Variants in GLI3 observed in about 807,000 individuals in gnomAD.
GLI3 encodes transcription activator GLI3.
A neutral mutation model predicts 100.8 loss-of-function variants in GLI3; 20 were observed. The ratio of observed to expected loss-of-function variants is 0.20; its 90% CI spans 0.14 to 0.29. The LOEUF is 0.29. GLI3 is among the 10% of genes least tolerant of loss of function. GLI3 has a pLI of 1.00. For missense variants in GLI3, 2,040 were observed against 2,128.5 expected (o/e 0.96, Z 0.82); for synonymous variants, 938 against 860.5 (o/e 1.09, Z -1.58).
chr7:42,214,862 T>TA (rs34437341), intron 2 of GLI3, among the ~76,000 whole-genome samples: 4,574 of 118,932 alleles, frequency 0.038, 163 homozygotes, highest in African/African-American at 0.1. Context: ...CACTGGATGC[T>TA]AAAAAAAAAA....
chr7:41,964,279 C>T lies in GLI3; in HGVS notation c.*51G>A. On this transcript the variant is annotated 3_prime_UTR_variant, in exon 15 of 15. Coordinates refer to ENST00000395925, the MANE Select transcript of GLI3 (RefSeq NM_000168.6). ...ACAGCCAAAACAAAGTCAGTTTAAT[C>T]TCTTCAACTCCTATTGATTTCCGTT... 1 of 1,538,480 alleles carries T rather than the reference C, an allele frequency of 6.5e-7. No individual in the cohort carries two copies. Among genetic ancestry groups the T allele is most frequent in the Admixed American group, 1.7e-5 (1 of 59,620 alleles).
At chr7:41,994,884 T>C (rs1788082016) in intron 10 of GLI3, among the ~76,000 whole-genome samples, 2 of 152,352 alleles carry the variant, frequency 1.3e-5, no homozygotes, top group South Asian at 2.1e-4. Flanking sequence ...CTGTGACATA[T>C]ACGTGGCTTT....
rs546190862 is a variant in GLI3, at chr7:42,042,014, T to G, written c.827-1775A>C. The stretch of plus-strand genomic sequence containing the variant: ...CAAAATAGCAATCCCAACGATTTCC[T>G]TTTTTTTTTTTTTTTTTTGAGATGT... On this transcript the variant is annotated intron_variant, in intron 6 of 14. Transcript: ENST00000395925. Among the ~76,000 whole-genome samples the G allele has an allele frequency of 8.4e-3, 192 of 22,868 alleles. No individual in the cohort carries two copies. The African/African-American group carries it at 0.13, about 15-fold the overall frequency. 15.0% of individuals were successfully genotyped at this position (22,868 alleles called of 152,430 possible). A position where few individuals can be genotyped will look rare whatever the true frequency, so the allele number is the denominator to read the frequency against.
At chr7:42,125,351 GAAC>G (rs1644641033) in intron 3 of GLI3, among the ~76,000 whole-genome samples, 1 of 152,164 alleles carries the variant, frequency 6.6e-6, no homozygotes, top group African/African-American at 2.4e-5. Context: ...TTAAAAGGCT[GAAC>G]AACAGCAGCA....
chr7:42,068,679 C>T (rs1784724250), intron 4 of GLI3, among the ~76,000 whole-genome samples: 1 of 152,090 alleles, frequency 6.6e-6, no homozygotes, highest in South Asian at 2.1e-4. Flanking sequence ...GTGTCATTGG[C>T]CTTTGTTCCC....
At chr7:42,013,357 C>A (rs1422793054) in intron 10 of GLI3, among the ~76,000 whole-genome samples, 1 of 151,880 alleles carries the variant, frequency 6.6e-6, no homozygotes, top group East Asian at 1.9e-4. Context: ...TGCCTGTGTG[C>A]CACAGGATTA....
At chr7:42,223,637 G>A (rs553547440) in intron 1 of GLI3, among the ~76,000 whole-genome samples, 5 of 152,268 alleles carry the variant, frequency 3.3e-5, no homozygotes, top group East Asian at 1.9e-4. Context: ...TTAAAGCCAC[G>A]TCTGCAAATG....
At chr7:42,148,643 T>C (rs1476142147) in intron 2 of GLI3, among the ~76,000 whole-genome samples, 175 bp from the exon 3 acceptor site, 2 of 152,144 alleles carry the variant, frequency 1.3e-5, no homozygotes, top group Admixed American at 6.5e-5. Context: ...GACAAAATTG[T>C]TTATGAATGA....
At chr7:42,157,597 C>A (rs751130326) in intron 2 of GLI3, among the ~76,000 whole-genome samples, 13 of 152,184 alleles carry the variant, frequency 8.5e-5, no homozygotes, top group Admixed American at 2.6e-4. Flanking sequence ...TACAAAATTT[C>A]TAAACAAAAA....
chr7:42,214,822 G>A (rs533755512), intron 2 of GLI3, among the ~76,000 whole-genome samples: 3 of 145,940 alleles, frequency 2.1e-5, no homozygotes, highest in African/African-American at 2.5e-5. Flanking sequence ...AACATAAAAC[G>A]GAATTTTAAA....
intron 3 of GLI3, among the ~76,000 whole-genome samples, chr7:42,128,576 T>C (rs1786192422): frequency 6.6e-6 from 1 of 152,160 alleles, no homozygotes; most frequent in African/African-American, 2.4e-5. Flanking sequence ...CTTCTCAAAT[T>C]TGTAAAATCA....
At chr7:42,182,642 G>GTGTA (rs1787616741) in intron 2 of GLI3, among the ~76,000 whole-genome samples, 1 of 39,354 alleles carries the variant, frequency 2.5e-5, no homozygotes, top group Admixed American at 3.9e-4. Context: ...GTATATGTGT[G>GTGTA]TGTATATATA....
intron 3 of GLI3, among the ~76,000 whole-genome samples, chr7:42,095,939 G>C (rs1033431335): frequency 6.6e-6 from 1 of 152,194 alleles, no homozygotes; most frequent in Admixed American, 6.5e-5. Context: ...TAAGGGATGA[G>C]GGGAGGAAGC....
At chr7:42,064,722 A>G (rs571464362) in intron 4 of GLI3, among the ~76,000 whole-genome samples, 60 of 152,306 alleles carry the variant, frequency 3.9e-4, no homozygotes, top group African/African-American at 1.4e-3. Flanking sequence ...GGAAGCTGCA[A>G]TTCAGCTCAC....
At chr7:42,062,668 T>C (rs1784593943) in intron 4 of GLI3, among the ~76,000 whole-genome samples, 1 of 151,606 alleles carries the variant, frequency 6.6e-6, no homozygotes, top group Admixed American at 6.6e-5. Context: ...AATCCTGAAA[T>C]TGCTTGGATA....
intron 10 of GLI3, among the ~76,000 whole-genome samples, chr7:42,019,674 A>G (rs1788881408): frequency 6.6e-6 from 1 of 152,248 alleles, no homozygotes; most frequent in South Asian, 2.1e-4. Flanking sequence ...GGTCTGGTTA[A>G]TTTAAAATTG....
Position 42,024,726 on chromosome 7 carries a change from T to C in GLI3, c.1356+538A>G, listed in dbSNP as rs566266279. Among the ~76,000 whole-genome samples the C allele has an allele frequency of 5.3e-5, 8 of 152,324 alleles. No individual in the cohort carries two copies. The East Asian group carries it at 1.5e-3, about 29-fold the overall frequency. ...GGATTGAAATCCTACACTCTTCCTT[T>C]CAGAATTTTAGGCTGAGTGCCAGAA... On this transcript the variant is annotated intron_variant, in intron 9 of 14. Transcript: ENST00000395925.
chr7:42,164,766 C>G (rs1047180432), intron 2 of GLI3, among the ~76,000 whole-genome samples: 1 of 149,324 alleles, frequency 6.7e-6, no homozygotes, highest in Admixed American at 6.7e-5. Context: ...GGAGGTGGAG[C>G]TTGCAGTGAG....
intron 10 of GLI3, among the ~76,000 whole-genome samples, chr7:41,980,612 G>A (rs1027572700): frequency 5.3e-5 from 8 of 152,100 alleles, no homozygotes; most frequent in African/African-American, 1.9e-4. Context: ...AGGAAGGGAG[G>A]GAGGAAGCAA....
Sources: gnomAD v4.1 joint callset for allele counts (sites outside exome capture counted in the v4.1 genomes callset) on GRCh38, gnomAD v4.1.1 for gene constraint, MANE v1.5 for transcripts, NCBI Gene and HGNC (gene_info 2026-07-23, HGNC 2026-07-21) for gene names.